PGCKA1: variants seen among roughly 807,000 people sequenced by gnomAD.
PGCKA1 encodes PDCD10 and GCKIII kinases associated 1.
At chr4:37,516,086 A>G in the PGCKA1 span, among the ~76,000 whole-genome samples, 1 of 152,200 alleles carries the variant, frequency 6.6e-6, no homozygotes, top group Non-Finnish European at 1.5e-5. Flanking sequence ...TTACTTATTC[A>G]TACAAACTAT....
chr4:37,575,074 T>C, the PGCKA1 span, among the ~76,000 whole-genome samples: 2 of 152,204 alleles, frequency 1.3e-5, no homozygotes, highest in African/African-American at 4.8e-5. Flanking sequence ...AGTGCAGGTA[T>C]CTCTTCAATA....
At chr4:37,592,353 GAAAA>G in the PGCKA1 span, among the ~76,000 whole-genome samples, 1 of 108,194 alleles carries the variant, frequency 9.2e-6, no homozygotes, top group Non-Finnish European at 2.0e-5. Flanking sequence ...CCATCTCTAT[GAAAA>G]AAAAAAAAAA....
At chr4:37,459,651 C>T in the PGCKA1 span, among the ~76,000 whole-genome samples, 9 of 152,136 alleles carry the variant, frequency 5.9e-5, no homozygotes, top group African/African-American at 2.2e-4. Context: ...CCTGACTTCA[C>T]CTCCAGTCTA....
At chr4:37,462,047 G>A in the PGCKA1 span, among the ~76,000 whole-genome samples, 4 of 151,260 alleles carry the variant, frequency 2.6e-5, no homozygotes, top group Non-Finnish European at 4.4e-5. Flanking sequence ...TGGTGATTGT[G>A]GTTTTGTTGT....
At chr4:37,528,618 A>G in the PGCKA1 span, among the ~76,000 whole-genome samples, 7 of 151,382 alleles carry the variant, frequency 4.6e-5, no homozygotes, top group Non-Finnish European at 1.0e-4. Context: ...TTTAAAAACT[A>G]AAAAAAAAGC....
chr4:37,570,070 C>T, the PGCKA1 span, among the ~76,000 whole-genome samples: 4 of 150,142 alleles, frequency 2.7e-5, no homozygotes, highest in Admixed American at 6.7e-5. Flanking sequence ...AGCTCCGCCT[C>T]CCAGGTTCAC....
chr4:37,583,717 A>G, the PGCKA1 span, among the ~76,000 whole-genome samples: 1 of 152,096 alleles, frequency 6.6e-6, no homozygotes, highest in African/African-American at 2.4e-5. Context: ...GTCAGCCCCC[A>G]ACACAGGGCT....
the PGCKA1 span, among the ~76,000 whole-genome samples, chr4:37,546,568 C>T: frequency 6.6e-6 from 1 of 152,226 alleles, no homozygotes; most frequent in East Asian, 1.9e-4. Context: ...TCAGGGAGCT[C>T]GGATTTTAAG....
the PGCKA1 span, chr4:37,588,797 C>T: frequency 7.6e-7 from 1 of 1,314,064 alleles, no homozygotes; most frequent in Non-Finnish European, 1.1e-6. Context: ...TTAATTCCTA[C>T]TAATATATCA....
chr4:37,564,759 G>C, the PGCKA1 span, among the ~76,000 whole-genome samples: 4 of 151,916 alleles, frequency 2.6e-5, no homozygotes, highest in Non-Finnish European at 5.9e-5. Context: ...CACCTGCCTC[G>C]GCCTCCCAAA....
chr4:37,533,460 G>A, the PGCKA1 span, among the ~76,000 whole-genome samples: 1 of 152,118 alleles, frequency 6.6e-6, no homozygotes, highest in African/African-American at 2.4e-5. Context: ...ACTTTAATTG[G>A]TTTTGGATCG....
chr4:37,503,164 C>T, the PGCKA1 span, among the ~76,000 whole-genome samples: 1 of 152,174 alleles, frequency 6.6e-6, no homozygotes, highest in Non-Finnish European at 1.5e-5. Context: ...AAGGGGTCTC[C>T]TCCTGCCAGG....
chr4:37,576,841 G>GT, the PGCKA1 span, among the ~76,000 whole-genome samples: 1,238 of 152,142 alleles, frequency 8.1e-3, 12 homozygotes, highest in African/African-American at 0.025. Context: ...TGATCATATG[G>GT]TTTTTGCTCT....
chr4:37,506,629 G>A, the PGCKA1 span, among the ~76,000 whole-genome samples: 3 of 146,086 alleles, frequency 2.1e-5, no homozygotes, highest in Non-Finnish European at 4.5e-5. Context: ...TTATTTAATT[G>A]TGGTTAGGGA....
chr4:37,469,720 T>C, the PGCKA1 span, among the ~76,000 whole-genome samples: 1 of 152,212 alleles, frequency 6.6e-6, no homozygotes, highest in Non-Finnish European at 1.5e-5. Flanking sequence ...AGCAATAATC[T>C]ATCGGACTTA....
At chr4:37,482,587 C>T in the PGCKA1 span, among the ~76,000 whole-genome samples, 1 of 152,146 alleles carries the variant, frequency 6.6e-6, no homozygotes, top group African/African-American at 2.4e-5. Context: ...AAAGAAAACC[C>T]TTTTTCTGGG....
the PGCKA1 span, among the ~76,000 whole-genome samples, chr4:37,512,106 G>A: frequency 1.3e-5 from 2 of 152,196 alleles, no homozygotes; most frequent in Non-Finnish European, 2.9e-5. Flanking sequence ...GCTGAAGGAT[G>A]GGGGAATGGT....
the PGCKA1 span, among the ~76,000 whole-genome samples, chr4:37,529,775 G>T: frequency 2.0e-5 from 3 of 152,152 alleles, no homozygotes; most frequent in Non-Finnish European, 4.4e-5. Flanking sequence ...ACCTTGAGTT[G>T]ATTTAAAAGG....
the PGCKA1 span, among the ~76,000 whole-genome samples, chr4:37,481,804 T>C: frequency 6.6e-6 from 1 of 152,304 alleles, no homozygotes; most frequent in East Asian, 1.9e-4. Context: ...TCATCTTGAA[T>C]TGTAGTTCCC....
Sources: allele counts gnomAD v4.1 joint callset (sites outside exome capture counted in the v4.1 genomes callset), GRCh38; gene constraint gnomAD v4.1.1; transcripts MANE v1.5; gene names NCBI Gene and HGNC (gene_info 2026-07-23, HGNC 2026-07-21).